HOMER1: variants seen among roughly 807,000 people sequenced by gnomAD.
HOMER1 encodes homer scaffold protein 1.
Under a neutral mutation model 48.9 loss-of-function variants are expected in HOMER1, and 3 were observed. That is an observed-to-expected ratio of 0.06 (90% CI 0.03 to 0.16). The LOEUF (loss-of-function observed/expected upper bound fraction) is 0.16, where lower values mean the gene tolerates loss of function less well. HOMER1 is among the 10% of genes least tolerant of loss of function. The pLI is 1.00. For missense variants in HOMER1, 247 were observed against 411.4 expected, an observed-to-expected ratio of 0.60 and a Z score of 3.46; for synonymous variants, 134 against 146.4, an observed-to-expected ratio of 0.92 and a Z score of 0.61.
intron 8 of HOMER1, among the ~76,000 whole-genome samples, chr5:79,392,954 G>GGAGGGAGAGA (rs1554057028): frequency 7.8e-5 from 11 of 140,880 alleles, no homozygotes; most frequent in African/African-American, 3.0e-4. Context: ...GAAGGGAAAG[G>GGAGGGAGAGA]GAGAGAGAGA....
chr5:79,438,385 A>T (rs1750650587), intron 5 of HOMER1, among the ~76,000 whole-genome samples: 1 of 152,260 alleles, frequency 6.6e-6, no homozygotes, highest in African/African-American at 2.4e-5. Flanking sequence ...ACTGGTTTGG[A>T]ACACATTTAG....
chr5:79,432,539 A>G (rs985542870), intron 5 of HOMER1, among the ~76,000 whole-genome samples: 1 of 152,228 alleles, frequency 6.6e-6, no homozygotes, highest in Non-Finnish European at 1.5e-5. Flanking sequence ...CACATAAAGA[A>G]TAGTTTTTTT....
intron 1 of HOMER1, among the ~76,000 whole-genome samples, chr5:79,484,577 A>T (rs1481733085): frequency 1.3e-5 from 2 of 152,308 alleles, no homozygotes; most frequent in East Asian, 1.9e-4. Context: ...AATAAAAAAT[A>T]AAAGGCAGAA....
chr5:79,490,840 A>G lies in HOMER1; in HGVS notation c.5+21930T>C, dbSNP rs576846832. Among the ~76,000 whole-genome samples the G allele has an allele frequency of 1.8e-4, 27 of 151,450 alleles. No individual in the cohort carries two copies. The East Asian group carries it at 4.8e-3, about 27-fold the overall frequency. On this transcript the variant is annotated intron_variant, in intron 1 of 8. Transcript: ENST00000334082. ...TGGTGACACAAAAGCCTGTAGAACC[A>G]GCTACTTGGAAGGCTGAGGCAGAAG...
chr5:79,501,646 G>A (rs970927987), intron 1 of HOMER1, among the ~76,000 whole-genome samples: 1 of 152,166 alleles, frequency 6.6e-6, no homozygotes, highest in Non-Finnish European at 1.5e-5. Context: ...ACTACTATAA[G>A]GAGTTAGAAA....
rs1258652570 is a variant in HOMER1 at position 79,512,842 on chromosome 5, C to T, written c.-68G>A. The T allele has an allele frequency of 8.5e-6, 13 of 1,529,398 alleles. No homozygotes were observed. In the South Asian group the frequency reaches 1.1e-4, roughly 13 times the overall value. The allele number at this position is 1,529,398 out of a possible 1,614,324, so 94.7% of individuals were successfully genotyped here. Reference sequence around the variant, plus strand: ...TACGGAATAACTTCCAAAGGAATTTCTCCGTCTGCTATTTCGCAGTTGCTT... The same window carrying T: ...TACGGAATAACTTCCAAAGGAATTTTTCCGTCTGCTATTTCGCAGTTGCTT... On this transcript the variant is annotated 5_prime_UTR_variant, in exon 1 of 9. Transcript: ENST00000334082.
intron 5 of HOMER1, among the ~76,000 whole-genome samples, chr5:79,418,515 A>G (rs908750131): frequency 2.0e-5 from 3 of 152,220 alleles, no homozygotes; most frequent in Non-Finnish European, 4.4e-5. Context: ...TTTTTCCAGT[A>G]CAGTGACAGT....
chr5:79,386,806 G>A (rs1749121464), intron 8 of HOMER1, among the ~76,000 whole-genome samples: 1 of 152,110 alleles, frequency 6.6e-6, no homozygotes, highest in Non-Finnish European at 1.5e-5. Context: ...TGGGCAGGAG[G>A]TTATGCTATT....
chr5:79,495,024 T>A (rs1752382717), intron 1 of HOMER1, among the ~76,000 whole-genome samples: 1 of 152,212 alleles, frequency 6.6e-6, no homozygotes, highest in African/African-American at 2.4e-5. Context: ...TTCTCCTCTA[T>A]CATTTCTATT....
At chr5:79,468,902 T>C (rs1751547855) in intron 1 of HOMER1, among the ~76,000 whole-genome samples, 2 of 152,236 alleles carry the variant, frequency 1.3e-5, no homozygotes, top group Admixed American at 1.3e-4. Context: ...ATATGCCTGA[T>C]CACTAGAGAG....
chr5:79,442,908 C>G (rs1750774940), intron 4 of HOMER1, among the ~76,000 whole-genome samples: 1 of 152,190 alleles, frequency 6.6e-6, no homozygotes, highest in African/African-American at 2.4e-5. Flanking sequence ...TAGTCACCAT[C>G]CAGAGCCACC....
intron 5 of HOMER1, among the ~76,000 whole-genome samples, chr5:79,402,581 A>G (rs1241446260): frequency 1.3e-5 from 2 of 152,246 alleles, no homozygotes; most frequent in East Asian, 3.8e-4. Context: ...GTACTCAAGT[A>G]CCAGGCTTAA....
chr5:79,426,651 G>A (rs2112255946), intron 5 of HOMER1, among the ~76,000 whole-genome samples: 1 of 152,202 alleles, frequency 6.6e-6, no homozygotes, highest in East Asian at 1.9e-4. Flanking sequence ...AAGGGTAGTG[G>A]GGAGTGGGAG....
chr5:79,380,626 CCATG>C (rs1283156900), intron 8 of HOMER1, among the ~76,000 whole-genome samples: 3 of 152,226 alleles, frequency 2.0e-5, no homozygotes, highest in South Asian at 2.1e-4. Flanking sequence ...CCCCTACCTA[CCATG>C]GCTGGCACCT....
At chr5:79,450,916 C>A in intron 3 of HOMER1, 74 bp downstream of exon 3, 1 of 1,392,284 alleles carries the variant, frequency 7.2e-7, no homozygotes, top group South Asian at 1.3e-5. Context: ...TTATACTCTC[C>A]ATTTGGTATT....
At chr5:79,451,149 C>T (rs760927986) in intron 2 of HOMER1, 28 bp from the exon 3 acceptor site, 3 of 1,600,616 alleles carry the variant, frequency 1.9e-6, no homozygotes, top group Non-Finnish European at 8.5e-7. Flanking sequence ...TATGAGCAAC[C>T]AGCAAAAAAT....
intron 1 of HOMER1, among the ~76,000 whole-genome samples, chr5:79,459,615 G>A (rs1053719750): frequency 3.3e-5 from 5 of 152,132 alleles, no homozygotes; most frequent in East Asian, 1.9e-4. Flanking sequence ...GCATCTGACA[G>A]GGCATACTAA....
chr5:79,434,177 T>C (rs1455154842), intron 5 of HOMER1, among the ~76,000 whole-genome samples: 2 of 152,118 alleles, frequency 1.3e-5, no homozygotes, highest in Non-Finnish European at 2.9e-5. Context: ...ACAACAATTA[T>C]TTATCTATAT....
rs557415644 is a variant in HOMER1, at chr5:79,472,704, G to A, written c.6-15686C>T. On this transcript the variant is annotated intron_variant, in intron 1 of 8. Transcript: ENST00000334082. ...CGAGGCAGGAGGATCGCTTGAGCCC[G>A]TAAGTTTGAGGTTATAATGAGCTAT... Among the ~76,000 whole-genome samples, 56 of 152,052 alleles carry A rather than the reference G, an allele frequency of 3.7e-4. 1 individual carries two copies. The highest frequency in any genetic ancestry group is 2.3e-3 in the South Asian group (11 of 4,804).
Sources: allele counts gnomAD v4.1 joint callset (sites outside exome capture counted in the v4.1 genomes callset), GRCh38; gene constraint gnomAD v4.1.1; transcripts MANE v1.5; gene names NCBI Gene and HGNC (gene_info 2026-07-23, HGNC 2026-07-21).